COLGALT2: variants seen among roughly 807,000 people sequenced by gnomAD.
COLGALT2 encodes the protein collagen beta(1-O)galactosyltransferase 2.
In COLGALT2, 49 loss-of-function variants were observed where a neutral mutation model predicts 73.4. That is an observed-to-expected ratio of 0.67 (90% CI 0.53 to 0.85). The LOEUF is 0.85. Ranked by LOEUF, COLGALT2 falls within the 40% of genes least tolerant of loss-of-function variation. The pLI, the probability that COLGALT2 is intolerant of heterozygous loss-of-function variation, is 0.00. For missense variants in COLGALT2, 722 were observed against 790.2 expected, an observed-to-expected ratio of 0.91 and a Z score of 1.03; for synonymous variants, 295 against 307.6, an observed-to-expected ratio of 0.96 and a Z score of 0.43.
At chr1:184,005,125 G>A (rs977467745) in intron 1 of COLGALT2, among the ~76,000 whole-genome samples, 10 of 152,072 alleles carry the variant, frequency 6.6e-5, no homozygotes, top group African/African-American at 1.4e-4. Context: ...CTGGAACCAG[G>A]ACAAGGACCC....
At chr1:184,021,365 G>A (rs57023391) in intron 1 of COLGALT2, among the ~76,000 whole-genome samples, 5 of 152,136 alleles carry the variant, frequency 3.3e-5, no homozygotes, top group Admixed American at 2.6e-4. Flanking sequence ...ATGTGGTAAC[G>A]TTGGGAGGTG....
At chr1:183,977,699 G>C (rs779253029) in intron 2 of COLGALT2, among the ~76,000 whole-genome samples, 13 of 151,886 alleles carry the variant, frequency 8.6e-5, no homozygotes, top group Non-Finnish European at 1.5e-4. Flanking sequence ...TGAGTGAGGA[G>C]TATTGCCTGA....
intron 9 of COLGALT2, 55 bp downstream of exon 9, chr1:183,945,377 C>A (rs1178414156): frequency 1.9e-6 from 3 of 1,592,032 alleles, no homozygotes; most frequent in Non-Finnish European, 2.6e-6. Flanking sequence ...CCTACGATAG[C>A]CTGCTTTCCT....
rs893490069 is a variant in COLGALT2 at position 183,936,234 on chromosome 1, C to G, written c.*2527G>C. ...AGGTCAAATGTCAAAGGTCAAATGT[C>G]TTGGCTTAGGACTATAAGGGAGAGA... On this transcript the variant is annotated 3_prime_UTR_variant, in exon 12 of 12. Transcript: ENST00000361927. The G allele has an allele frequency of 4.1e-6, 4 of 985,472 alleles. No homozygotes were observed. In the African/African-American group the frequency reaches 7.0e-5, roughly 17 times the overall value. The allele number at this position is 985,472 out of a possible 1,614,324, so 61.0% of individuals were successfully genotyped here. A position where few individuals can be genotyped will look rare whatever the true frequency, so the allele number is the denominator to read the frequency against.
chr1:184,013,546 T>C (rs1648882444), intron 1 of COLGALT2, among the ~76,000 whole-genome samples: 2 of 152,122 alleles, frequency 1.3e-5, no homozygotes, highest in African/African-American at 4.8e-5. Context: ...TTCAACATGA[T>C]TGCAGCATGA....
chr1:183,936,159 A>T lies in COLGALT2; in HGVS notation c.*2602T>A. 2 of 985,672 alleles carry T rather than the reference A, an allele frequency of 2.0e-6. No individual in the cohort carries two copies. Among genetic ancestry groups the T allele is most frequent in the Non-Finnish European group, 2.4e-6 (2 of 830,096 alleles). The allele number at this position is 985,672 out of a possible 1,614,324, so 61.1% of individuals were successfully genotyped here. ...CCTCCAGAGGCAGAGAGCGGGTGCCAGGCCCAGATGCAAAGGCCTCTATAC... is the reference window on the plus strand; with the variant it reads ...CCTCCAGAGGCAGAGAGCGGGTGCCTGGCCCAGATGCAAAGGCCTCTATAC... On this transcript the variant is annotated 3_prime_UTR_variant, in exon 12 of 12. Transcript: ENST00000361927.
chr1:183,989,310 G>C (rs187150752), intron 1 of COLGALT2, among the ~76,000 whole-genome samples: 1 of 152,302 alleles, frequency 6.6e-6, no homozygotes, highest in African/African-American at 2.4e-5. Context: ...ACTCTGAGTG[G>C]GGATGTCCAG....
intron 1 of COLGALT2, among the ~76,000 whole-genome samples, chr1:184,033,693 G>T (rs1489728074): frequency 6.6e-6 from 1 of 152,212 alleles, no homozygotes; most frequent in Non-Finnish European, 1.5e-5. Context: ...GTGCAGTGCA[G>T]ATCTGGTCCA....
chr1:183,962,287 G>A (rs557289666), intron 6 of COLGALT2, among the ~76,000 whole-genome samples: 1 of 150,042 alleles, frequency 6.7e-6, no homozygotes, highest in East Asian at 2.0e-4. Context: ...AGCCTTCCGA[G>A]TAACTGGGAC....
intron 2 of COLGALT2, among the ~76,000 whole-genome samples, chr1:183,977,341 C>A (rs186939331): frequency 1.2e-4 from 18 of 151,818 alleles, no homozygotes; most frequent in Non-Finnish European, 1.9e-4. Flanking sequence ...TGTGGTGGCA[C>A]ACACCTGTAG....
intron 5 of COLGALT2, chr1:183,964,469 A>C: frequency 5.8e-6 from 1 of 172,350 alleles, no homozygotes; most frequent in Non-Finnish European, 1.2e-5. Context: ...TTAAAGCTAA[A>C]TCTAGGCATA....
At chr1:183,933,896 C>A (rs988539036), downstream of COLGALT2, among the ~76,000 whole-genome samples, 2 of 152,166 alleles carry the variant, frequency 1.3e-5, no homozygotes, top group Non-Finnish European at 2.9e-5. Flanking sequence ...GAAGGCAATC[C>A]TCAGAGACGA....
intron 1 of COLGALT2, among the ~76,000 whole-genome samples, chr1:183,979,572 A>G (rs1331008809): frequency 1.3e-5 from 2 of 152,128 alleles, no homozygotes; most frequent in Admixed American, 1.3e-4. Context: ...TAACTCTGCC[A>G]TGGTAGTGAT....
intron 1 of COLGALT2, among the ~76,000 whole-genome samples, chr1:184,005,168 A>G (rs1672038723): frequency 2.0e-5 from 3 of 152,020 alleles, no homozygotes; most frequent in Non-Finnish European, 2.9e-5. Flanking sequence ...CTCAGTCAAC[A>G]TCTGTGGAAA....
At chr1:183,971,209 G>C (rs1160437056) in intron 4 of COLGALT2, among the ~76,000 whole-genome samples, 1 of 152,140 alleles carries the variant, frequency 6.6e-6, no homozygotes, top group Non-Finnish European at 1.5e-5. Flanking sequence ...ATTTTGTTTT[G>C]AATGAGTTTA....
intron 5 of COLGALT2, among the ~76,000 whole-genome samples, chr1:183,968,576 C>T (rs988801805): frequency 2.0e-5 from 3 of 152,172 alleles, no homozygotes; most frequent in Non-Finnish European, 2.9e-5. Flanking sequence ...AGAATAAAGA[C>T]GACATTCTGA....
chr1:183,968,495 A>T (rs1310415372), intron 5 of COLGALT2, among the ~76,000 whole-genome samples: 1 of 152,218 alleles, frequency 6.6e-6, no homozygotes, highest in Non-Finnish European at 1.5e-5. Flanking sequence ...ACTGAGGCTG[A>T]GACTGTTCGG....
At chr1:183,949,232 A>T (rs768148138) in intron 8 of COLGALT2, among the ~76,000 whole-genome samples, 57 of 152,224 alleles carry the variant, frequency 3.7e-4, no homozygotes, top group Non-Finnish European at 5.9e-4. Context: ...GAACTTGACA[A>T]GCTAATTCTA....
chr1:183,931,796 T>TAAA (rs760880492), downstream of COLGALT2, among the ~76,000 whole-genome samples: 9 of 130,398 alleles, frequency 6.9e-5, no homozygotes, highest in Non-Finnish European at 9.7e-5. Context: ...TGCAGCAAGT[T>TAAA]AAAAAAAAAA....
Sources: allele counts gnomAD v4.1 joint callset (sites outside exome capture counted in the v4.1 genomes callset), GRCh38; gene constraint gnomAD v4.1.1; transcripts MANE v1.5; gene names NCBI Gene and HGNC (gene_info 2026-07-23, HGNC 2026-07-21).